The following DAW1 variants were observed in gnomAD, a reference collection of about 807,000 sequenced individuals.
DAW1 encodes the protein dynein assembly factor with WD repeats 1.
In DAW1, 47 loss-of-function variants were observed where a neutral mutation model predicts 56.5. The ratio of observed to expected loss-of-function variants is 0.83; its 90% CI spans 0.66 to 1.06. The LOEUF is 1.06. Among genes scored for constraint, DAW1 ranks in the 50% least tolerant of loss-of-function variants. DAW1 has a pLI of 0.00. For synonymous variants in DAW1, 190 were observed against 179.0 expected, an observed-to-expected ratio of 1.06 and a Z score of -0.49; for missense variants, 505 against 499.3, an observed-to-expected ratio of 1.01 and a Z score of -0.11.
intron 6 of DAW1, 71 bp from the exon 7 acceptor site, chr2:227,902,931 A>G: frequency 6.8e-7 from 1 of 1,471,454 alleles, no homozygotes. Context: ...TGCATCTGGA[A>G]GATTTTCTGT....
rs1692034631 is a variant in DAW1, at chr2:227,918,791, A to G, written c.985A>G (p.Ile329Val). 1.2e-6 allele frequency: 2 copies of G among 1,614,036 alleles called. No individual in the cohort carries two copies. Among genetic ancestry groups the G allele is most frequent in the South Asian group, 2.2e-5 (2 of 91,088 alleles). Residue 329 changes from isoleucine (I) to valine (V), a missense_variant, in exon 11 of 13, where the codon ATT becomes GTT. Coordinates refer to ENST00000309931, the MANE Select transcript of DAW1 (RefSeq NM_178821.3). ...CCCCTCTCAAAAAGGAACAGCAAGAATTTTCAGTGCTGCCACAAGAAAATG... is the reference window on the plus strand; with the variant it reads ...CCCCTCTCAAAAAGGAACAGCAAGAGTTTTCAGTGCTGCCACAAGAAAATG... ...ATASADGTAR[I>V]FSAATRKCIA... is the part of the protein sequence containing the mutation.
chr2:227,889,980 C>T lies in DAW1; in HGVS notation c.238C>T (p.His80Tyr). The T allele has an allele frequency of 1.3e-6, 2 of 1,593,012 alleles. No homozygotes were observed. The highest frequency in any genetic ancestry group is 1.7e-6 in the Non-Finnish European group (2 of 1,172,660). The change falls in exon 3 of 13, where the codon CAC becomes TAC. Residue 80 changes from histidine to tyrosine, a missense_variant. Coordinates refer to ENST00000309931, the MANE Select transcript of DAW1 (RefSeq NM_178821.3). ...AGAGAAACTCGGCCAGAACAGCAAT[C>T]ACACGTTCTATCTTTTTAAGGTAAT... ...LQEKLGQNSN[H>Y]TFYLFKVLKA...
At chr2:227,897,816 C>T (rs1419630542) in intron 5 of DAW1, among the ~76,000 whole-genome samples, 1 of 151,912 alleles carries the variant, frequency 6.6e-6, no homozygotes, top group Non-Finnish European at 1.5e-5. Flanking sequence ...TTATTCTTTT[C>T]CATATACTTA....
chr2:227,879,469 T>C (rs1690958673), intron 1 of DAW1, among the ~76,000 whole-genome samples: 1 of 152,106 alleles, frequency 6.6e-6, no homozygotes, highest in Non-Finnish European at 1.5e-5. Context: ...TGGTTATGGT[T>C]GAAACTTCTT....
chr2:227,889,698 C>T (rs527914367), intron 2 of DAW1, 158 bp from the exon 3 acceptor site: 30 of 538,348 alleles, frequency 5.6e-5, no homozygotes, highest in African/African-American at 2.2e-4. Flanking sequence ...GTATGATCCT[C>T]CCCGCCCCAC....
rs1219174983 is a variant in DAW1 at position 227,911,247 on chromosome 2, CATATAT to C, written c.973+3997_973+4002del. On this transcript the variant is annotated intron_variant, in intron 10 of 12. Coordinates refer to ENST00000309931, the MANE Select transcript of DAW1 (RefSeq NM_178821.3). ...ACATATGTGTATATATACATATATACATATATACACGTGTATATACACATATACACG... is the reference window on the plus strand; with the variant it reads ...ACATATGTGTATATATACATATATACACACGTGTATATACACATATACACG... 6.0e-3 allele frequency among the ~76,000 whole-genome samples: 832 copies of C among 138,712 alleles called. 13 individuals carry two copies. Among genetic ancestry groups the C allele is most frequent in the African/African-American group, 0.022 (802 of 36,306 alleles). The allele number at this position is 138,712 out of a possible 152,430, so 91.0% of individuals were successfully genotyped here.
chr2:227,882,950 A>G (rs1212476263), intron 1 of DAW1, among the ~76,000 whole-genome samples: 1 of 152,220 alleles, frequency 6.6e-6, no homozygotes, highest in African/African-American at 2.4e-5. Flanking sequence ...TTTCTTTTAT[A>G]AATTACCCAG....
chr2:227,883,475 A>G (rs2106189416), intron 1 of DAW1, among the ~76,000 whole-genome samples: 1 of 152,360 alleles, frequency 6.6e-6, no homozygotes, highest in South Asian at 2.1e-4. Flanking sequence ...AAATAGACCA[A>G]TGAGGTTTAA....
intron 10 of DAW1, among the ~76,000 whole-genome samples, chr2:227,918,192 C>CATCATCCATCA (rs1692018655): frequency 1.0e-5 from 1 of 100,462 alleles, no homozygotes. Flanking sequence ...TCCATCCATC[C>CATCATCCATCA]ATCCATCCAT....
At chr2:227,880,238 T>G (rs1690976903) in intron 1 of DAW1, among the ~76,000 whole-genome samples, 1 of 152,310 alleles carries the variant, frequency 6.6e-6, no homozygotes, top group Non-Finnish European at 1.5e-5. Flanking sequence ...CTTCTTCCAG[T>G]CTTAGCTTTT....
rs190924088 is a variant in DAW1, at chr2:227,917,176, C to T, written c.974-1604C>T. ...TCTGTCTGTCTGTCTGTCTGTCTGT[C>T]TGTCTATCTATGTATCTATCCATCT... On this transcript the variant is annotated intron_variant, in intron 10 of 12. Coordinates refer to ENST00000309931, the MANE Select transcript of DAW1 (RefSeq NM_178821.3). Among the ~76,000 whole-genome samples, 45 of 150,930 alleles carry T rather than the reference C, an allele frequency of 3.0e-4. No individual in the cohort carries two copies. In the East Asian group the frequency reaches 6.8e-3, roughly 23 times the overall value.
chr2:227,890,151 A>G (rs1721356), intron 3 of DAW1, 151 bp downstream of exon 3: 138,822 of 744,194 alleles, frequency 0.19, 15,113 homozygotes, highest in Middle Eastern at 0.22. Flanking sequence ...GATTGTCCCA[A>G]TAATTATTTG....
intron 10 of DAW1, among the ~76,000 whole-genome samples, chr2:227,918,392 C>T (rs928926188): frequency 6.6e-6 from 1 of 152,152 alleles, no homozygotes; most frequent in Non-Finnish European, 1.5e-5. Flanking sequence ...CCTTGTGTAC[C>T]TTGCAGAAAC....
At chr2:227,894,029 G>A in intron 5 of DAW1, 112 bp downstream of exon 5, 1 of 1,213,106 alleles carries the variant, frequency 8.2e-7, no homozygotes, top group Non-Finnish European at 1.1e-6. Context: ...TGCTTGGTAT[G>A]TGCTTTGGAA....
intron 4 of DAW1, among the ~76,000 whole-genome samples, chr2:227,891,927 T>G (rs907546789): frequency 6.6e-5 from 10 of 152,150 alleles, no homozygotes; most frequent in Non-Finnish European, 1.5e-5. Flanking sequence ...CAGTTCCTTC[T>G]GAGGCCTTGG....
intron 6 of DAW1, among the ~76,000 whole-genome samples, chr2:227,900,410 T>C (rs889588019): frequency 6.6e-6 from 1 of 152,240 alleles, no homozygotes. Context: ...AGCCCTGGCC[T>C]ACATGCTTAG....
At chr2:227,901,432 G>A (rs565339244) in intron 6 of DAW1, among the ~76,000 whole-genome samples, 1 of 152,304 alleles carries the variant, frequency 6.6e-6, no homozygotes, top group South Asian at 2.1e-4. Context: ...TGAGGTCTGG[G>A]AAAGAGACTT....
chr2:227,904,910 G>C lies in DAW1; in HGVS notation c.649-19G>C. On this transcript the variant is annotated intron_variant, in intron 7 of 12. Transcript: ENST00000309931. ...GTTTTATCTGCAGGTATACTTGACA[G>C]TATCTGCTCTTTTTCTAGGGACATT... The C allele has an allele frequency of 6.2e-7, 1 of 1,600,402 alleles. No individual in the cohort carries two copies. The highest frequency in any genetic ancestry group is 8.6e-7 in the Non-Finnish European group (1 of 1,168,844).
At chr2:227,909,978 T>C (rs778270513) in intron 10 of DAW1, among the ~76,000 whole-genome samples, 3 of 152,168 alleles carry the variant, frequency 2.0e-5, no homozygotes, top group Non-Finnish European at 2.9e-5. Context: ...TGTGTGTATA[T>C]CCTGTTACCC....
Sources: allele counts gnomAD v4.1 joint callset (sites outside exome capture counted in the v4.1 genomes callset), GRCh38; gene constraint gnomAD v4.1.1; transcripts MANE v1.5; gene names NCBI Gene and HGNC (gene_info 2026-07-23, HGNC 2026-07-21).